Variants in IL3RA observed in about 807,000 individuals in gnomAD.
IL3RA encodes interleukin-3 receptor subunit alpha.
IL3RA carries 73 observed loss-of-function variants against 52.3 expected under a neutral mutation model. The ratio of observed to expected loss-of-function variants is 1.40; its 90% CI spans 1.16 to 1.70. The LOEUF is 1.70. Among genes scored for constraint, IL3RA ranks in the 40% most tolerant of loss-of-function variants. IL3RA has a pLI of 0.00. For synonymous variants in IL3RA, 260 were observed against 194.0 expected (o/e 1.34, Z -2.83); for missense variants, 664 against 504.4 (o/e 1.32, Z -3.03).
intron 4 of IL3RA, among the ~76,000 whole-genome samples, 187 bp downstream of exon 4, chrX:1,348,732 T>TTC (rs371900871): frequency 0.74 from 101,646 of 137,968 alleles, 38,842 homozygotes; most frequent in African/African-American, 0.85. Flanking sequence ...TCCTTTCTTT[T>TTC]TCTTTCTTTC....
intron 6 of IL3RA, among the ~76,000 whole-genome samples, chrX:1,355,686 G>A (rs1303788533): frequency 1.3e-5 from 2 of 152,042 alleles, no homozygotes; most frequent in African/African-American, 4.8e-5. Context: ...GCCAGGCAGG[G>A]GCCAGGAAGT....
chrX:1,360,504 C>A (rs1423082730), intron 8 of IL3RA, among the ~76,000 whole-genome samples: 4 of 151,822 alleles, frequency 2.6e-5, no homozygotes, highest in Non-Finnish European at 5.9e-5. Flanking sequence ...ATCTCTCTCC[C>A]TTTCTCCTTC....
chrX:1,360,494 A>C lies in IL3RA; in HGVS notation c.759+1607A>C, dbSNP rs2087169383. On this transcript the variant is annotated intron_variant, in intron 8 of 11. Transcript: ENST00000331035. ...TCTCCCAGTCTCTCTGTATCTCTGTATCTCTCTCCCTTTCTCCTTCCCTCT... is the reference window on the plus strand; with the variant it reads ...TCTCCCAGTCTCTCTGTATCTCTGTCTCTCTCTCCCTTTCTCCTTCCCTCT... Among the ~76,000 whole-genome samples the C allele has an allele frequency of 2.7e-5, 4 of 146,160 alleles. No homozygotes were observed. In the Admixed American group the frequency reaches 2.7e-4, roughly 10 times the overall value.
chrX:1,341,542 TGA>T (rs1491393199), intron 1 of IL3RA, among the ~76,000 whole-genome samples, 184 bp from the exon 2 acceptor site: 17 of 34,306 alleles, frequency 5.0e-4, no homozygotes, highest in African/African-American at 9.3e-4. Flanking sequence ...AAGCACACTC[TGA>T]TGTGCATGCA....
intron 10 of IL3RA, among the ~76,000 whole-genome samples, chrX:1,379,615 C>T (rs1286911544): frequency 1.3e-5 from 2 of 152,220 alleles, no homozygotes; most frequent in African/African-American, 4.8e-5. Flanking sequence ...GCCCAGCGGG[C>T]CTGACACAGT....
chrX:1,339,089 C>A (rs2085397536), intron 1 of IL3RA, among the ~76,000 whole-genome samples: 1 of 152,118 alleles, frequency 6.6e-6, no homozygotes, highest in Non-Finnish European at 1.5e-5. Context: ...ATCCACCCCC[C>A]TCAGCCTCCC....
intron 9 of IL3RA, among the ~76,000 whole-genome samples, chrX:1,377,880 AAAAAAAG>A (rs1441995770): frequency 2.9e-5 from 4 of 138,190 alleles, no homozygotes; most frequent in South Asian, 4.2e-4. Context: ...CTCAAAAAAA[AAAAAAAG>A]AAAAAAGAAA....
intron 9 of IL3RA, among the ~76,000 whole-genome samples, chrX:1,368,449 T>C (rs1340187311): frequency 5.3e-5 from 8 of 150,984 alleles, no homozygotes; most frequent in Non-Finnish European, 8.9e-5. Context: ...GGTCAGGTGC[T>C]GTGGCTTAAG....
chrX:1,350,786 C>A (rs182447619), intron 4 of IL3RA, among the ~76,000 whole-genome samples: 1,859 of 150,960 alleles, frequency 0.012, 42 homozygotes, highest in African/African-American at 0.043. Flanking sequence ...GCAGTCCCAG[C>A]TACTCAGGAG....
intron 8 of IL3RA, among the ~76,000 whole-genome samples, chrX:1,363,347 C>T (rs1225418636): frequency 1.4e-5 from 2 of 147,520 alleles, no homozygotes; most frequent in Non-Finnish European, 3.0e-5. Flanking sequence ...GTCACCCAGG[C>T]TGGAGTGCAG....
At position 1,362,412 on chromosome X, in the gene IL3RA, T is replaced by TC. The variant is rs1312738536; in HGVS notation, c.760-2723dup. ...GTCTGTTTCTGTTTTTCTTTCTTTT[T>TC]CCCTCTGTCTCCCTTCTCTGTGTCT... is the stretch of plus-strand genomic sequence containing the variant. On this transcript the variant is annotated intron_variant, in intron 8 of 11. Coordinates refer to ENST00000331035, the MANE Select transcript of IL3RA (RefSeq NM_002183.4). Among the ~76,000 whole-genome samples, 3 of 151,202 alleles carry TC rather than the reference T, an allele frequency of 2.0e-5. 1 individual carries two copies. Among genetic ancestry groups the TC allele is most frequent in the African/African-American group, 7.3e-5 (3 of 41,116 alleles).
rs1569528324 is a variant in IL3RA at position 1,378,698 on chromosome X, GGACGTCGCTGCT to G, written c.917_928del (p.Thr306_Leu309del). The G allele has an allele frequency of 6.2e-7, 1 of 1,612,708 alleles. No homozygotes were observed. Among genetic ancestry groups the G allele is most frequent in the Non-Finnish European group, 8.5e-7 (1 of 1,179,836 alleles). On this transcript the variant is annotated inframe_deletion, in exon 10 of 12. Transcript: ENST00000331035. ...GAGGGCGCAAACACACGTGCCTGGC[GGACGTCGCTGCT>G]GATCGCGCTGGGGACGCTGCTGGCC... is the stretch of plus-strand genomic sequence containing the variant.
chrX:1,341,479 T>A (rs1251503750), intron 1 of IL3RA, among the ~76,000 whole-genome samples: 1 of 152,172 alleles, frequency 6.6e-6, no homozygotes, highest in African/African-American at 2.4e-5. Flanking sequence ...CATAGAGGCA[T>A]GCACACATAT....
intron 4 of IL3RA, among the ~76,000 whole-genome samples, chrX:1,350,371 CCT>C (rs1175899426): frequency 2.2e-3 from 327 of 150,848 alleles, no homozygotes; most frequent in African/African-American, 7.1e-3. Context: ...AGGCGGATCA[CCT>C]GAGGTCAGGA....
chrX:1,360,326 A>C (rs56223208), intron 8 of IL3RA, among the ~76,000 whole-genome samples: 112 of 88,718 alleles, frequency 1.3e-3, no homozygotes, highest in Middle Eastern at 8.6e-3. Flanking sequence ...CTGTCTCTGT[A>C]TCTCTCTCCC....
chrX:1,342,396 C>A (rs1424497312), intron 2 of IL3RA, among the ~76,000 whole-genome samples: 4 of 151,864 alleles, frequency 2.6e-5, no homozygotes, highest in Non-Finnish European at 4.4e-5. Flanking sequence ...GAACTGCTGA[C>A]CACAAGTGAT....
In IL3RA at chrX:1,346,233, G is replaced by T. The variant is rs146157500; in HGVS notation, c.183+799G>T. Among the ~76,000 whole-genome samples, 6 of 151,914 alleles carry T rather than the reference G, an allele frequency of 3.9e-5. No individual in the cohort carries two copies. The South Asian group carries it at 8.3e-4, about 21-fold the overall frequency. ...GCGGATGGATCACCTGGGGCCAGGA[G>T]TTCGAGACTAGTCTGGGCAACATGG... On this transcript the variant is annotated intron_variant, in intron 3 of 11. Transcript: ENST00000331035.
Position 1,353,177 on chromosome X carries a change from A to G in IL3RA, c.616+671A>G, listed in dbSNP as rs2086226803. On this transcript the variant is annotated intron_variant, in intron 6 of 11. Transcript: ENST00000331035. ...GGGATCCCTCATCGTGGGTTCCATC[A>G]TGGGTCATGGGACCCCCCATCATGG... Among the ~76,000 whole-genome samples, 3 of 147,108 alleles carry G rather than the reference A, an allele frequency of 2.0e-5. No homozygotes were observed. The South Asian group carries it at 6.5e-4, about 32-fold the overall frequency.
At chrX:1,355,662 G>A (rs1232305018) in intron 6 of IL3RA, among the ~76,000 whole-genome samples, 1 of 151,722 alleles carries the variant, frequency 6.6e-6, no homozygotes, top group Non-Finnish European at 1.5e-5. Context: ...GGGCGGAGGT[G>A]GGGGAGGTGA....
Sources: allele counts gnomAD v4.1 joint callset (sites outside exome capture counted in the v4.1 genomes callset), GRCh38; gene constraint gnomAD v4.1.1; transcripts MANE v1.5; gene names NCBI Gene and HGNC (gene_info 2026-07-23, HGNC 2026-07-21).